Variants in MCF2L2 observed in about 807,000 individuals in gnomAD.
The protein encoded by MCF2L2 is probable guanine nucleotide exchange factor MCF2L2.
MCF2L2 carries 102 observed loss-of-function variants against 150.2 expected under a neutral mutation model. The observed-to-expected ratio is 0.68, with a 90% CI of 0.58 to 0.80. The LOEUF is 0.80. MCF2L2 is among the 30% of genes least tolerant of loss of function. The pLI, the probability that MCF2L2 is intolerant of heterozygous loss-of-function variation, is 0.00. For synonymous variants in MCF2L2, 465 were observed against 491.3 expected (o/e 0.95, Z 0.71); for missense variants, 1,256 against 1,372.8 (o/e 0.91, Z 1.34).
At chr3:183,403,342 G>A (rs1021551138) in intron 1 of MCF2L2, among the ~76,000 whole-genome samples, 2 of 152,244 alleles carry the variant, frequency 1.3e-5, no homozygotes, top group Non-Finnish European at 2.9e-5. Flanking sequence ...CTCACCGTTT[G>A]TGGAAAGAAG....
At chr3:183,413,777 C>T (rs955233999) in intron 1 of MCF2L2, among the ~76,000 whole-genome samples, 9 of 152,194 alleles carry the variant, frequency 5.9e-5, no homozygotes, top group African/African-American at 1.9e-4. Context: ...GGCCTCATTC[C>T]TTTCTCGGCT....
intron 1 of MCF2L2, among the ~76,000 whole-genome samples, chr3:183,402,020 T>C (rs184776109): frequency 1.3e-5 from 2 of 152,298 alleles, no homozygotes; most frequent in East Asian, 3.9e-4. Flanking sequence ...CCCAAAGCAG[T>C]TGTACTAGAA....
At chr3:183,210,171 G>A (rs769965315) in intron 22 of MCF2L2, among the ~76,000 whole-genome samples, 7 of 152,194 alleles carry the variant, frequency 4.6e-5, no homozygotes, top group Non-Finnish European at 7.3e-5. Context: ...CTACTTGGGA[G>A]GCTGAGGCAG....
intron 3 of MCF2L2, among the ~76,000 whole-genome samples, chr3:183,359,490 C>A (rs1711997431): frequency 6.6e-6 from 1 of 152,160 alleles, no homozygotes. Context: ...AAATTCTCAT[C>A]AAAAATAACA....
intron 11 of MCF2L2, 74 bp downstream of exon 11, chr3:183,299,931 G>T: frequency 6.7e-7 from 1 of 1,489,742 alleles, no homozygotes. Context: ...CACAAGGAAG[G>T]GAGGACGAGT....
intron 10 of MCF2L2, among the ~76,000 whole-genome samples, chr3:183,307,357 A>G (rs1468748736): frequency 6.6e-6 from 1 of 152,232 alleles, no homozygotes; most frequent in Non-Finnish European, 1.5e-5. Flanking sequence ...CTGAGGGAAG[A>G]TATATTGAAA....
At chr3:183,273,274 T>C (rs994726851) in intron 15 of MCF2L2, 1 of 343,848 alleles carries the variant, frequency 2.9e-6, no homozygotes, top group East Asian at 4.5e-5. Flanking sequence ...ATATTGTTAA[T>C]TTTATACCAA....
chr3:183,224,880 A>G (rs557756249), intron 18 of MCF2L2: 14 of 152,448 alleles, frequency 9.2e-5, no homozygotes, highest in Admixed American at 7.2e-4. Flanking sequence ...ATGGTATCAA[A>G]GACGCTGAGA....
At chr3:183,247,843 T>C (rs1286608167) in intron 15 of MCF2L2, among the ~76,000 whole-genome samples, 1 of 152,152 alleles carries the variant, frequency 6.6e-6, no homozygotes, top group African/African-American at 2.4e-5. Flanking sequence ...CATAAGAGAC[T>C]TGGGCATCTG....
intron 3 of MCF2L2, among the ~76,000 whole-genome samples, chr3:183,361,018 GAA>G (rs1174054372): frequency 2.4e-5 from 3 of 124,468 alleles, no homozygotes; most frequent in African/African-American, 1.1e-4. Flanking sequence ...GAAAAGAAAA[GAA>G]AAGAGAAAAG....
chr3:183,379,285 T>C lies in MCF2L2; in HGVS notation c.275+12A>G, dbSNP rs1229348901. The C allele has an allele frequency of 6.3e-7, 1 of 1,595,060 alleles. No individual in the cohort carries two copies. Among genetic ancestry groups the C allele is most frequent in the Non-Finnish European group, 8.6e-7 (1 of 1,169,112 alleles). On this transcript the variant is annotated intron_variant, in intron 3 of 29. Transcript: ENST00000328913. ...CAGTGCCTAAGGCGGCAGGACACTGTGCTCAGCTCACCTGGGGATGCTAGT... is the reference window on the plus strand; with the variant it reads ...CAGTGCCTAAGGCGGCAGGACACTGCGCTCAGCTCACCTGGGGATGCTAGT...
At position 183,323,365 on chromosome 3, in the gene MCF2L2, A is replaced by G; in HGVS notation, c.487-14T>C. The G allele has an allele frequency of 6.8e-7, 1 of 1,462,714 alleles. No individual in the cohort carries two copies. Among genetic ancestry groups the G allele is most frequent in the Non-Finnish European group, 9.6e-7 (1 of 1,043,344 alleles). The allele number at this position is 1,462,714 out of a possible 1,614,324, so 90.6% of individuals were successfully genotyped here. On this transcript the variant is annotated splice_polypyrimidine_tract_variant and intron_variant, in intron 5 of 29. Coordinates refer to ENST00000328913, the MANE Select transcript of MCF2L2 (RefSeq NM_015078.4). ...TACCATGATGATCTGTAAGGTAAAA[A>G]TTTAATTAAACATACTCCTCATTGA...
chr3:183,396,528 CT>C (rs1385730208), intron 1 of MCF2L2, among the ~76,000 whole-genome samples: 1 of 152,136 alleles, frequency 6.6e-6, no homozygotes, highest in East Asian at 1.9e-4. Flanking sequence ...ATCACATTGA[CT>C]TTAGATGACT....
intron 10 of MCF2L2, 121 bp downstream of exon 10, chr3:183,309,595 G>T: frequency 3.9e-6 from 5 of 1,276,590 alleles, no homozygotes; most frequent in Non-Finnish European, 4.5e-6. Flanking sequence ...TGGGGTGACT[G>T]AAGGGCAGGA....
chr3:183,203,877 T>G (rs1722382379), intron 25 of MCF2L2, among the ~76,000 whole-genome samples: 1 of 152,244 alleles, frequency 6.6e-6, no homozygotes, highest in South Asian at 2.1e-4. Context: ...GATTAACAGC[T>G]GATTTCTATC....
intron 1 of MCF2L2, among the ~76,000 whole-genome samples, chr3:183,401,125 A>G (rs951316240): frequency 2.0e-5 from 3 of 148,114 alleles, no homozygotes; most frequent in Non-Finnish European, 3.0e-5. Context: ...GATGTGATCA[A>G]GAGCCTACTC....
intron 1 of MCF2L2, among the ~76,000 whole-genome samples, chr3:183,410,333 A>G (rs1487026335): frequency 6.6e-6 from 1 of 152,174 alleles, no homozygotes; most frequent in Non-Finnish European, 1.5e-5. Flanking sequence ...TTCTTAATAT[A>G]ACTATCATAT....
intron 5 of MCF2L2, among the ~76,000 whole-genome samples, chr3:183,333,461 C>A (rs1299363248): frequency 6.6e-6 from 1 of 152,162 alleles, no homozygotes; most frequent in Non-Finnish European, 1.5e-5. Context: ...AAATCCTCCC[C>A]CTTCCCACTT....
At chr3:183,297,258 T>A in intron 11 of MCF2L2, 91 bp from the exon 12 acceptor site, 1 of 1,105,042 alleles carries the variant, frequency 9.0e-7, no homozygotes. Flanking sequence ...GTAAGGTGTC[T>A]ACAAGGATTC....
Sources: gnomAD v4.1 joint callset for allele counts (sites outside exome capture counted in the v4.1 genomes callset) on GRCh38, gnomAD v4.1.1 for gene constraint, MANE v1.5 for transcripts, NCBI Gene and HGNC (gene_info 2026-07-23, HGNC 2026-07-21) for gene names.